PKNOX2: variants seen among roughly 807,000 people sequenced by gnomAD.
The protein encoded by PKNOX2 is homeobox protein PKNOX2.
A neutral mutation model predicts 53.1 loss-of-function variants in PKNOX2; 14 were observed. The observed-to-expected ratio is 0.26, with a 90% CI of 0.17 to 0.41. The LOEUF (loss-of-function observed/expected upper bound fraction) is 0.41. PKNOX2 is among the 10% of genes least tolerant of loss of function. The pLI, the probability that PKNOX2 is intolerant of heterozygous loss-of-function variation, is 1.00. For synonymous variants in PKNOX2, 257 were observed against 242.8 expected, an observed-to-expected ratio of 1.06 and a Z score of -0.54; for missense variants, 496 against 602.8, an observed-to-expected ratio of 0.82 and a Z score of 1.85.
At chr11:125,312,199 G>T (rs1361915234) in intron 2 of PKNOX2, among the ~76,000 whole-genome samples, 1 of 152,206 alleles carries the variant, frequency 6.6e-6, no homozygotes, top group Non-Finnish European at 1.5e-5. Context: ...GGGGTGGAGT[G>T]CTGTGTGCGG....
chr11:125,404,740 G>A, intron 7 of PKNOX2, among the ~76,000 whole-genome samples: 1 of 152,178 alleles, frequency 6.6e-6, no homozygotes, highest in East Asian at 1.9e-4. Context: ...GCGCTAAGCA[G>A]TTTCGGGGAA....
intron 2 of PKNOX2, among the ~76,000 whole-genome samples, 167 bp downstream of exon 2, chr11:125,235,282 A>G (rs1942573194): frequency 6.6e-6 from 1 of 152,242 alleles, no homozygotes; most frequent in South Asian, 2.1e-4. Context: ...TTATGTCTGA[A>G]TGTGACAAAG....
intron 5 of PKNOX2, among the ~76,000 whole-genome samples, chr11:125,378,277 G>A (rs1379224064): frequency 6.6e-6 from 1 of 152,184 alleles, no homozygotes; most frequent in Non-Finnish European, 1.5e-5. Flanking sequence ...CGATCCCTGC[G>A]TGCCCCACCT....
chr11:125,269,907 G>A (rs1297798718), intron 2 of PKNOX2, among the ~76,000 whole-genome samples: 1 of 152,142 alleles, frequency 6.6e-6, no homozygotes. Flanking sequence ...TGGGTTTTAT[G>A]CATGCATTAA....
intron 2 of PKNOX2, among the ~76,000 whole-genome samples, chr11:125,327,668 C>T (rs925376616): frequency 6.6e-6 from 1 of 152,172 alleles, no homozygotes; most frequent in African/African-American, 2.4e-5. Flanking sequence ...GGGGTCTCCT[C>T]CTCCCTGCAG....
At chr11:125,192,981 G>A (rs949086281) in intron 1 of PKNOX2, among the ~76,000 whole-genome samples, 1 of 152,222 alleles carries the variant, frequency 6.6e-6, no homozygotes, top group African/African-American at 2.4e-5. Context: ...GCAGTCCCTC[G>A]CCTCCACACA....
chr11:125,224,230 G>A (rs912770436), intron 1 of PKNOX2, among the ~76,000 whole-genome samples: 9 of 152,250 alleles, frequency 5.9e-5, no homozygotes, highest in South Asian at 2.1e-4. Context: ...GGAGTCGCCC[G>A]GGCCAGCCCA....
intron 2 of PKNOX2, among the ~76,000 whole-genome samples, chr11:125,295,244 T>C (rs1247950818): frequency 6.6e-6 from 1 of 152,042 alleles, no homozygotes; most frequent in Non-Finnish European, 1.5e-5. Context: ...CAAGGTAGCA[T>C]GAAAAGTTGA....
At chr11:125,178,645 A>AGAAAGAAATAAAGAAAGAAGGAAG in intron 1 of PKNOX2, among the ~76,000 whole-genome samples, 1 of 28,596 alleles carries the variant, frequency 3.5e-5, no homozygotes, top group Middle Eastern at 0.023. Context: ...AAAGAAAGAA[A>AGAAAGAAATAAAGAAAGAAGGAAG]GAAGGAAGGA....
At chr11:125,184,300 G>A (rs1390802102) in intron 1 of PKNOX2, 4 of 152,192 alleles carry the variant, frequency 2.6e-5, no homozygotes, top group Non-Finnish European at 5.9e-5. Context: ...GCAGACCCTT[G>A]ACACTCATTC....
chr11:125,217,884 T>C (rs1940700898), intron 1 of PKNOX2, among the ~76,000 whole-genome samples: 2 of 152,314 alleles, frequency 1.3e-5, no homozygotes, highest in South Asian at 4.1e-4. Flanking sequence ...GTTAAGTAAT[T>C]TGTCTGAATT....
At position 125,222,488 on chromosome 11, in the gene PKNOX2, A is replaced by G. The variant is rs1205018199; in HGVS notation, c.-200-12557A>G. 2.6e-5 allele frequency among the ~76,000 whole-genome samples: 4 copies of G among 152,084 alleles called. No individual in the cohort carries two copies. In the East Asian group the frequency reaches 5.8e-4, roughly 22 times the overall value. On this transcript the variant is annotated intron_variant, in intron 1 of 12. Transcript: ENST00000298282. Reference sequence around the variant, plus strand: ...TGAGTACCTAGGGACTGGGTTAAAGAACAGTCTGACTGGCTGGCCTCTGCT... The same window carrying G: ...TGAGTACCTAGGGACTGGGTTAAAGGACAGTCTGACTGGCTGGCCTCTGCT...
intron 2 of PKNOX2, among the ~76,000 whole-genome samples, chr11:125,309,151 C>T (rs1948644578): frequency 6.6e-6 from 1 of 150,582 alleles, no homozygotes; most frequent in Admixed American, 6.6e-5. Flanking sequence ...TTCTTTCTTT[C>T]TTTCTTTCCT....
chr11:125,281,538 A>C (rs1946558107), intron 2 of PKNOX2, among the ~76,000 whole-genome samples: 1 of 152,216 alleles, frequency 6.6e-6, no homozygotes, highest in South Asian at 2.1e-4. Context: ...AATGGGGATA[A>C]TAATAGCTAC....
At chr11:125,411,509 T>TCTCTCTCTCTCCCC (rs1491258659) in intron 9 of PKNOX2, 6 of 315,072 alleles carry the variant, frequency 1.9e-5, no homozygotes, top group Non-Finnish European at 3.6e-5. Flanking sequence ...TCTCTCTCTC[T>TCTCTCTCTCTCCCC]CCCCCCCTTC....
intron 6 of PKNOX2, among the ~76,000 whole-genome samples, chr11:125,388,747 C>T (rs1953828765): frequency 6.6e-6 from 1 of 152,158 alleles, no homozygotes; most frequent in Admixed American, 6.5e-5. Context: ...GTACCACACT[C>T]CCCTGTGTCC....
At chr11:125,184,212 G>A (rs572101017) in intron 1 of PKNOX2, 2 of 152,438 alleles carry the variant, frequency 1.3e-5, no homozygotes, top group South Asian at 4.1e-4. Flanking sequence ...ACACTAACAA[G>A]AGTGATGCTC....
intron 3 of PKNOX2, among the ~76,000 whole-genome samples, chr11:125,348,015 GC>G (rs1352263775): frequency 6.6e-6 from 1 of 152,144 alleles, no homozygotes; most frequent in African/African-American, 2.4e-5. Flanking sequence ...AAGCTCTGAA[GC>G]CCGGGGCTAG....
chr11:125,313,505 C>T (rs780986312), intron 2 of PKNOX2, among the ~76,000 whole-genome samples: 4 of 152,118 alleles, frequency 2.6e-5, no homozygotes, highest in African/African-American at 4.8e-5. Flanking sequence ...TGGCTGTGAG[C>T]ACTGCATGGA....
Sources: gnomAD v4.1 joint callset for allele counts (sites outside exome capture counted in the v4.1 genomes callset) on GRCh38, gnomAD v4.1.1 for gene constraint, MANE v1.5 for transcripts, NCBI Gene and HGNC (gene_info 2026-07-23, HGNC 2026-07-21) for gene names.